The following CENPE variants were observed in gnomAD, a reference collection of about 807,000 sequenced individuals.
CENPE encodes centromere-associated protein E.
Under a neutral mutation model 336.1 loss-of-function variants are expected in CENPE, and 145 were observed. The ratio of observed to expected loss-of-function variants is 0.43; its 90% CI spans 0.38 to 0.50. The LOEUF (loss-of-function observed/expected upper bound fraction) is 0.50. Among genes scored for constraint, CENPE ranks in the 20% least tolerant of loss-of-function variants. The pLI is 0.00. For missense variants in CENPE, 2,719 were observed against 3,023.3 expected (o/e 0.90, Z 2.36); for synonymous variants, 1,013 against 984.8 (o/e 1.03, Z -0.54).
Position 103,148,868 on chromosome 4 carries a change from T to C in CENPE, c.3819A>G (p.Lys1273=), listed in dbSNP as rs746633332. The C allele has an allele frequency of 1.3e-5, 21 of 1,612,424 alleles. No homozygotes were observed. The Middle Eastern group carries it at 9.9e-4, about 76-fold the overall frequency. ...AQIINTQDLE[K]SHTKLQEEIP... ...CCTCTTCTTGTAATTTGGTATGGGA[T>C]TTTTCTAAGTCCTGAGTATTTATTA... The change falls in exon 28 of 49, where the codon AAA becomes AAG. Residue 1273 remains lysine, a synonymous_variant. Coordinates refer to ENST00000265148, the MANE Select transcript of CENPE (RefSeq NM_001813.3).
intron 38 of CENPE, 120 bp downstream of exon 38, chr4:103,139,669 C>T: frequency 5.9e-6 from 5 of 850,654 alleles, no homozygotes; most frequent in Non-Finnish European, 8.5e-6. Flanking sequence ...GTAACCATTT[C>T]CCACTGTCCT....
intron 40 of CENPE, 48 bp downstream of exon 40, chr4:103,136,093 T>A: frequency 1.4e-6 from 2 of 1,455,284 alleles, no homozygotes; most frequent in Non-Finnish European, 1.9e-6. Context: ...AATACATTGA[T>A]GTTTATAACT....
At chr4:103,154,556 G>C (rs930806099) in intron 24 of CENPE, among the ~76,000 whole-genome samples, 2 of 152,056 alleles carry the variant, frequency 1.3e-5, no homozygotes, top group Non-Finnish European at 2.9e-5. Flanking sequence ...TTAAGGTAGG[G>C]AACACGTAGT....
intron 48 of CENPE, 41 bp from the exon 49 acceptor site, chr4:103,106,357 A>T (rs762082215): frequency 1.0e-5 from 15 of 1,483,926 alleles, no homozygotes; most frequent in African/African-American, 2.8e-5. Flanking sequence ...CTATTACAAA[A>T]ATACACAAAA....
intron 8 of CENPE, among the ~76,000 whole-genome samples, chr4:103,189,111 A>C (rs1036514183): frequency 3.3e-5 from 5 of 152,232 alleles, no homozygotes; most frequent in Non-Finnish European, 7.3e-5. Context: ...GAATCTCTGA[A>C]TAGACCAAAA....
At chr4:103,110,447 A>G (rs562560195) in intron 47 of CENPE, among the ~76,000 whole-genome samples, 26 of 152,304 alleles carry the variant, frequency 1.7e-4, no homozygotes, top group African/African-American at 6.3e-4. Context: ...TCCACGTGGT[A>G]GAAGCCGAAT....
chr4:103,123,127 A>T, intron 42 of CENPE, 38 bp from the exon 43 acceptor site: 1 of 1,465,020 alleles, frequency 6.8e-7, no homozygotes, highest in Non-Finnish European at 9.5e-7. Context: ...CTCTAAAACG[A>T]TTTATAGTAG....
At chr4:103,113,530 A>G (rs1029087417) in intron 46 of CENPE, among the ~76,000 whole-genome samples, 1 of 140,436 alleles carries the variant, frequency 7.1e-6, no homozygotes, top group Non-Finnish European at 1.5e-5. Flanking sequence ...TATTATATAT[A>G]ATATATAACT....
rs182837136 is a variant in CENPE, at chr4:103,151,268, G to C, written c.3347C>G (p.Ser1116Cys). 3.1e-6 allele frequency: 5 copies of C among 1,605,800 alleles called. No homozygotes were observed. The Admixed American group carries it at 8.6e-5, about 28-fold the overall frequency. The change falls in exon 26 of 49, where the codon TCT becomes TGT. Residue 1116 changes from serine to cysteine, a missense_variant. Physicochemically the swap from Ser to Cys is moderately radical, Grantham distance 112. Transcript: ENST00000265148. ...NHAIKKEGEL[S>C]RTCDRLAEVE... ...TTCTGCCAGTCTGTCACAGGTCCTA[G>C]AAAGCTCTCCTTCTTTCTTTATGGC...
chr4:103,112,666 GTC>G (rs1487465250), intron 46 of CENPE, among the ~76,000 whole-genome samples: 148 of 130,692 alleles, frequency 1.1e-3, no homozygotes, highest in African/African-American at 3.8e-3. Flanking sequence ...GTATATATAA[GTC>G]TGCATATATA....
chr4:103,143,305 A>G lies in CENPE; in HGVS notation c.5247T>C (p.Asn1749=). 6.2e-7 allele frequency: 1 copy of G among 1,607,640 alleles called. No homozygotes were observed. ...AGTCCTTTTGCATATTTGATATTTC[A>G]TTTGTTTTCTCTGAAACAATCCCTC... ...KLRGIVSEKT[N]EISNMQKDLE... The change falls in exon 34 of 49, where the codon AAT becomes AAC. Residue 1749 remains asparagine (N), a synonymous_variant. Transcript: ENST00000265148.
rs749008102 is a variant in CENPE at position 103,159,258 on chromosome 4, C to G, written c.2353G>C (p.Val785Leu). 2 of 1,593,720 alleles carry G rather than the reference C, an allele frequency of 1.3e-6. No individual in the cohort carries two copies. Among genetic ancestry groups the G allele is most frequent in the East Asian group, 4.5e-5 (2 of 44,396 alleles). ...SEKDKLFSEVVHKESRVQGLL... is the reference protein window; with the variant it reads ...SEKDKLFSEVLHKESRVQGLL... The stretch of plus-strand genomic sequence containing the variant: ...CCTTGAACTCTACTCTCCTTATGAA[C>G]TACTTCAGAAAACAATTTATCTTTT... Residue 785 changes from valine (V) to leucine (L), a missense_variant, in exon 22 of 49, where the codon GTT becomes CTT. Around this residue, in one of 5 missense-constraint regions of CENPE, gnomAD observed 2,437 missense variants for 2,513.3 expected, o/e 0.97. Transcript: ENST00000265148.
Position 103,106,089 on chromosome 4 carries a change from C to G in CENPE, c.*133G>C, listed in dbSNP as rs143981900. The G allele has an allele frequency of 3.0e-5, 14 of 468,022 alleles. No homozygotes were observed. Among genetic ancestry groups the G allele is most frequent in the Middle Eastern group, 4.2e-4 (1 of 2,408 alleles). The allele number at this position is 468,022 out of a possible 1,614,324, so 29.0% of individuals were successfully genotyped here. A position where few individuals can be genotyped will look rare whatever the true frequency, so the allele number is the denominator to read the frequency against. Reference sequence around the variant, plus strand: ...ATTCATTTCCTGTTCCCTTATCTTTCAACTCTAGTGGCAAAGTAAAGACTG... The same window carrying G: ...ATTCATTTCCTGTTCCCTTATCTTTGAACTCTAGTGGCAAAGTAAAGACTG... On this transcript the variant is annotated 3_prime_UTR_variant, in exon 49 of 49. Coordinates refer to ENST00000265148, the MANE Select transcript of CENPE (RefSeq NM_001813.3).
intron 42 of CENPE, among the ~76,000 whole-genome samples, chr4:103,125,253 A>G (rs1234885436): frequency 1.3e-5 from 2 of 152,220 alleles, no homozygotes; most frequent in Non-Finnish European, 2.9e-5. Context: ...CATATGAACT[A>G]TAAAATGTAT....
intron 45 of CENPE, chr4:103,116,233 C>T (rs569089710): frequency 1.4e-5 from 2 of 142,418 alleles, no homozygotes; most frequent in African/African-American, 5.2e-5. Context: ...CAACAGAAGC[C>T]TTAGTAAAAC....
intron 42 of CENPE, among the ~76,000 whole-genome samples, chr4:103,130,730 A>T (rs1751511119): frequency 6.6e-6 from 1 of 152,150 alleles, no homozygotes; most frequent in Non-Finnish European, 1.5e-5. Context: ...CAGAGAACTG[A>T]TGTTACTTGA....
Position 103,147,618 on chromosome 4 carries a change from A to G in CENPE, c.3872T>C (p.Leu1291Ser), listed in dbSNP as rs768416840. 1.6e-5 allele frequency: 26 copies of G among 1,612,818 alleles called. No homozygotes were observed. In the Admixed American group the frequency reaches 4.0e-4, roughly 25 times the overall value. ...EIPVLHEEQE[L>S]LPNVKEVSET... ...ACTGACTTCTTTCACATTAGGCAGT[A>G]ACTCTTGTTCCTCATGAAGCACTGG... The change falls in exon 29 of 49, where the codon TTA becomes TCA. Residue 1291 changes from leucine to serine, a missense_variant. Leu to Ser is a moderately radical substitution (Grantham distance 145). Coordinates refer to ENST00000265148, the MANE Select transcript of CENPE (RefSeq NM_001813.3).
chr4:103,170,999 A>G (rs750407603), intron 16 of CENPE, among the ~76,000 whole-genome samples: 12 of 152,210 alleles, frequency 7.9e-5, no homozygotes, highest in Non-Finnish European at 1.6e-4. Context: ...TTGTAAATAT[A>G]TATGCACACT....
At chr4:103,123,308 G>C (rs1167060963) in intron 42 of CENPE, among the ~76,000 whole-genome samples, 1 of 152,046 alleles carries the variant, frequency 6.6e-6, no homozygotes, top group Non-Finnish European at 1.5e-5. Flanking sequence ...GTCCTGCCTG[G>C]GATGTAAATC....
Sources: allele counts gnomAD v4.1 joint callset (sites outside exome capture counted in the v4.1 genomes callset), GRCh38; gene constraint gnomAD v4.1.1; regional missense constraint gnomAD v4.1.1; transcripts MANE v1.5; gene names NCBI Gene and HGNC (gene_info 2026-07-23, HGNC 2026-07-21).